The following UBE3C variants were observed in gnomAD, a reference collection of about 807,000 sequenced individuals.
UBE3C encodes ubiquitin protein ligase E3C, also known as ubiquitin-protein ligase E3C.
Under a neutral mutation model 129.4 loss-of-function variants are expected in UBE3C, and 42 were observed. The ratio of observed to expected loss-of-function variants is 0.32; its 90% CI spans 0.25 to 0.42. The LOEUF is 0.42. Ranked by LOEUF, UBE3C falls within the 10% of genes least tolerant of loss-of-function variation. The pLI, the probability that UBE3C is intolerant of heterozygous loss-of-function variation, is 1.00. For synonymous variants in UBE3C, 510 were observed against 492.4 expected (o/e 1.04, Z -0.47); for missense variants, 1,049 against 1,319.1 (o/e 0.80, Z 3.17).
intron 21 of UBE3C, among the ~76,000 whole-genome samples, chr7:157,255,053 GA>G (rs778911547): frequency 6.6e-6 from 1 of 152,126 alleles, no homozygotes; most frequent in Non-Finnish European, 1.5e-5. Flanking sequence ...CGGAGGTCGT[GA>G]GATCTCAGTG....
At chr7:157,250,149 G>C (rs1475062523) in intron 19 of UBE3C, among the ~76,000 whole-genome samples, 1 of 152,188 alleles carries the variant, frequency 6.6e-6, no homozygotes, top group Non-Finnish European at 1.5e-5. Flanking sequence ...GATGCCTGAT[G>C]AACTGGCTGT....
chr7:157,262,168 C>T (rs1016575394), intron 22 of UBE3C, among the ~76,000 whole-genome samples: 1 of 152,034 alleles, frequency 6.6e-6, no homozygotes, highest in African/African-American at 2.4e-5. Flanking sequence ...TTATTGCCCT[C>T]ATGTACTCAG....
intron 18 of UBE3C, among the ~76,000 whole-genome samples, chr7:157,233,741 T>G (rs1796082912): frequency 6.6e-6 from 1 of 152,248 alleles, no homozygotes; most frequent in Admixed American, 6.5e-5. Flanking sequence ...TTCTTGGGCA[T>G]ATACCTAGAC....
chr7:157,163,306 G>T (rs1230485982), intron 1 of UBE3C, among the ~76,000 whole-genome samples: 1 of 149,210 alleles, frequency 6.7e-6, no homozygotes, highest in Non-Finnish European at 1.5e-5. Context: ...AGAATGGCGT[G>T]AACCCGGGAG....
Position 157,139,147 on chromosome 7 carries a change from G to C in UBE3C, c.-126G>C, listed in dbSNP as rs976187135. ...CGGGGGCGGGCTCGGGTCGCCTCCC[G>C]GCCGCCGCGTCCTCGCTGCCCCGGG... On this transcript the variant is annotated 5_prime_UTR_variant, in exon 1 of 23. Coordinates refer to ENST00000348165, the MANE Select transcript of UBE3C (RefSeq NM_014671.3). The C allele has an allele frequency of 1.8e-6, 1 of 545,386 alleles. No individual in the cohort carries two copies. Among genetic ancestry groups the C allele is most frequent in the Non-Finnish European group, 2.4e-6 (1 of 424,554 alleles). The allele number at this position is 545,386 out of a possible 1,614,324, so 33.8% of individuals were successfully genotyped here.
intron 17 of UBE3C, among the ~76,000 whole-genome samples, chr7:157,227,113 G>T (rs1288571949): frequency 6.6e-6 from 1 of 152,166 alleles, no homozygotes; most frequent in Non-Finnish European, 1.5e-5. Context: ...CTCAGTAGAT[G>T]CTTATTCAAT....
intron 18 of UBE3C, among the ~76,000 whole-genome samples, chr7:157,243,513 A>G (rs1160034507): frequency 6.6e-6 from 1 of 152,146 alleles, no homozygotes; most frequent in African/African-American, 2.4e-5. Context: ...TCACGTTTAG[A>G]GATTGGCTTT....
intron 6 of UBE3C, among the ~76,000 whole-genome samples, chr7:157,179,604 TC>T (rs1362986410): frequency 1.1e-4 from 17 of 151,938 alleles, no homozygotes; most frequent in South Asian, 2.1e-4. Flanking sequence ...ACTTCAGGAC[TC>T]CTGGGCTCGA....
chr7:157,218,962 C>T (rs1795661241), intron 14 of UBE3C, among the ~76,000 whole-genome samples: 1 of 152,196 alleles, frequency 6.6e-6, no homozygotes, highest in Admixed American at 6.5e-5. Flanking sequence ...AGTACTCAAG[C>T]ATTTAACCCA....
At chr7:157,216,160 C>T (rs1011988754) in intron 13 of UBE3C, among the ~76,000 whole-genome samples, 1 of 152,136 alleles carries the variant, frequency 6.6e-6, no homozygotes, top group Non-Finnish European at 1.5e-5. Context: ...GAGGCAAGTG[C>T]TGCAATTGTT....
intron 3 of UBE3C, 64 bp from the exon 4 acceptor site, chr7:157,170,240 C>T (rs764699433): frequency 2.2e-5 from 28 of 1,279,276 alleles, no homozygotes; most frequent in Non-Finnish European, 2.6e-5. Context: ...CGTATATTTA[C>T]ATCATAAGAA....
At chr7:157,251,576 A>G (rs1376410575) in intron 19 of UBE3C, among the ~76,000 whole-genome samples, 3 of 152,160 alleles carry the variant, frequency 2.0e-5, no homozygotes, top group Non-Finnish European at 4.4e-5. Context: ...AGCTAATGGA[A>G]GTAGGTCATG....
rs145822639 is a variant in UBE3C, at chr7:157,209,889, G to A, written c.1809+1954G>A. ...TTATTCATCATTGAAAGTTTTAAGA[G>A]TTAGGGCAAGGCCGGGTGTGGTGGC... is the stretch of plus-strand genomic sequence containing the variant. On this transcript the variant is annotated intron_variant, in intron 13 of 22. Transcript: ENST00000348165. Among the ~76,000 whole-genome samples, 695 of 152,306 alleles carry A rather than the reference G, an allele frequency of 4.6e-3. 5 individuals carry two copies. The highest frequency in any genetic ancestry group is 0.016 in the African/African-American group (660 of 41,560).
At chr7:157,198,149 C>G (rs1207654548) in intron 10 of UBE3C, 4 of 1,613,010 alleles carry the variant, frequency 2.5e-6, no homozygotes, top group Non-Finnish European at 3.4e-6. Flanking sequence ...AACCATTGCT[C>G]CACAGTTTAA....
chr7:157,258,990 C>T (rs1052595855), intron 22 of UBE3C, among the ~76,000 whole-genome samples: 4 of 152,196 alleles, frequency 2.6e-5, no homozygotes, highest in Non-Finnish European at 4.4e-5. Flanking sequence ...TATCTCAGCA[C>T]ATACTTCCTA....
intron 1 of UBE3C, among the ~76,000 whole-genome samples, chr7:157,163,347 A>G (rs1288429945): frequency 6.7e-6 from 1 of 148,294 alleles, no homozygotes; most frequent in Non-Finnish European, 1.5e-5. Flanking sequence ...AGATCACACC[A>G]CTGCACTCCA....
chr7:157,152,978 C>T (rs944396561), intron 1 of UBE3C, among the ~76,000 whole-genome samples: 1 of 152,030 alleles, frequency 6.6e-6, no homozygotes, highest in African/African-American at 2.4e-5. Context: ...GGTGGATTGC[C>T]TGAGGTCAGG....
At chr7:157,140,002 A>C in intron 1 of UBE3C, 6 of 985,452 alleles carry the variant, frequency 6.1e-6, no homozygotes, top group Non-Finnish European at 7.2e-6. Context: ...TGTGATCGAC[A>C]TTAAGTTGTT....
At chr7:157,245,235 A>T (rs923279466) in intron 18 of UBE3C, among the ~76,000 whole-genome samples, 2 of 152,208 alleles carry the variant, frequency 1.3e-5, no homozygotes, top group Non-Finnish European at 2.9e-5. Flanking sequence ...GGTAGTTCTG[A>T]TATATTTAAC....
Sources: allele counts gnomAD v4.1 joint callset (sites outside exome capture counted in the v4.1 genomes callset), GRCh38; gene constraint gnomAD v4.1.1; transcripts MANE v1.5; gene names NCBI Gene and HGNC (gene_info 2026-07-23, HGNC 2026-07-21).